The following BMI1 variants were observed in gnomAD, a reference collection of about 807,000 sequenced individuals.
BMI1 encodes polycomb complex protein BMI-1.
BMI1 carries 9 observed loss-of-function variants against 39.1 expected under a neutral mutation model. The observed-to-expected ratio is 0.23, with a 90% CI of 0.14 to 0.40. BMI1 has a LOEUF of 0.40. Among genes scored for constraint, BMI1 ranks in the 10% least tolerant of loss-of-function variants. The pLI, the probability that BMI1 is intolerant of heterozygous loss-of-function variation, is 1.00. For missense variants in BMI1, 252 were observed against 390.8 expected, an observed-to-expected ratio of 0.64 and a Z score of 2.99; for synonymous variants, 131 against 127.9, an observed-to-expected ratio of 1.02 and a Z score of -0.16.
intron 1 of BMI1, chr10:22,322,310 G>A (rs1836026962): frequency 6.6e-6 from 1 of 152,322 alleles, no homozygotes; most frequent in African/African-American, 2.4e-5. Flanking sequence ...GACGGGTTGC[G>A]TGGGGGGCGG....
rs1407190151 is a variant in BMI1 at position 22,331,268 on chromosome 10, A to T, written c.*1726A>T. 6.6e-6 allele frequency: 1 copy of T among 152,332 alleles called. No individual in the cohort carries two copies. The highest frequency in any genetic ancestry group is 1.5e-5 in the Non-Finnish European group (1 of 67,978). 9.4% of individuals were successfully genotyped at this position (152,332 alleles called of 1,614,324 possible). ...GATATTCATTTAGAAAATAGCTAAG[A>T]TCTTTAATAAAAATTTGATATGAAA... On this transcript the variant is annotated 3_prime_UTR_variant, in exon 10 of 10. Coordinates refer to ENST00000376663, the MANE Select transcript of BMI1 (RefSeq NM_005180.9).
chr10:22,328,228 C>T, intron 7 of BMI1, 49 bp downstream of exon 7: 1 of 1,551,744 alleles, frequency 6.4e-7, no homozygotes. Flanking sequence ...GTTTGGAATC[C>T]AGATTTTATC....
intron 3 of BMI1, 62 bp downstream of exon 3, chr10:22,327,048 G>T (rs1836171103): frequency 6.4e-7 from 1 of 1,554,144 alleles, no homozygotes; most frequent in African/African-American, 1.4e-5. Context: ...TTTACTGAAG[G>T]CAACCCTCTT....
chr10:22,326,539 C>T lies in BMI1; in HGVS notation c.90C>T (p.Thr30=), dbSNP rs891517112. 1 of 1,612,540 alleles carries T rather than the reference C, an allele frequency of 6.2e-7. No individual in the cohort carries two copies. The highest frequency in any genetic ancestry group is 1.7e-5 in the Admixed American group (1 of 59,740). Residue 30 remains threonine, a synonymous_variant, in exon 2 of 10, where the codon ACC becomes ACT. Transcript: ENST00000376663. The part of the protein sequence containing the change: ...LCGGYFIDAT[T]IIECLHSFCK... Reference sequence around the variant, plus strand: ...GAGGGTACTTCATTGATGCCACAACCATAATAGAATGTCTACATTCCTGTA... The same window carrying T: ...GAGGGTACTTCATTGATGCCACAACTATAATAGAATGTCTACATTCCTGTA...
In BMI1 at chr10:22,328,703, C is replaced by G; in HGVS notation, c.570+5C>G. The G allele has an allele frequency of 6.4e-7, 1 of 1,560,850 alleles. No individual in the cohort carries two copies. On this transcript the variant is annotated splice_donor_5th_base_variant and intron_variant, in intron 8 of 9. Coordinates refer to ENST00000376663, the MANE Select transcript of BMI1 (RefSeq NM_005180.9). ...GACATACCTAATACTTTCCAGGTAT[C>G]TACTTTTATATTCTTCTTGCATTTT...
chr10:22,328,754 A>G (rs1364017922), intron 8 of BMI1, 56 bp downstream of exon 8: 12 of 1,502,540 alleles, frequency 8.0e-6, no homozygotes, highest in Admixed American at 2.4e-5. Flanking sequence ...TTTTAATTAC[A>G]TTTTTCACTT....
rs1271877724 is a variant in BMI1, at chr10:22,330,683, G to A, written c.*1141G>A. On this transcript the variant is annotated 3_prime_UTR_variant, in exon 10 of 10. Coordinates refer to ENST00000376663, the MANE Select transcript of BMI1 (RefSeq NM_005180.9). ...GCTAAAAGAAGGCATTTTATCTAAAGTTATTTTAATAGGTGGTATAGCAGT... is the reference window on the plus strand; with the variant it reads ...GCTAAAAGAAGGCATTTTATCTAAAATTATTTTAATAGGTGGTATAGCAGT... 6.6e-6 allele frequency: 1 copy of A among 152,288 alleles called. No homozygotes were observed. Among genetic ancestry groups the A allele is most frequent in the Non-Finnish European group, 1.5e-5 (1 of 67,998 alleles). The allele number at this position is 152,288 out of a possible 1,614,324, so 9.4% of individuals were successfully genotyped here. A position where few individuals can be genotyped will look rare whatever the true frequency, so the allele number is the denominator to read the frequency against.
At position 22,328,048 on chromosome 10, in the gene BMI1, G is replaced by T; in HGVS notation, c.415G>T (p.Asp139Tyr). The T allele has an allele frequency of 1.2e-6, 2 of 1,603,098 alleles. No individual in the cohort carries two copies. The highest frequency in any genetic ancestry group is 2.3e-5 in the South Asian group (2 of 87,896). Residue 139 changes from aspartate to tyrosine, a missense_variant, in exon 6 of 10, where the codon GAC (aspartate) becomes TAC (tyrosine). Asp to Tyr is a radical substitution (Grantham distance 160). This residue lies in a region of BMI1 where 67 missense variants were observed against 69.9 expected (regional missense o/e 0.96). Coordinates refer to ENST00000376663, the MANE Select transcript of BMI1 (RefSeq NM_005180.9). The stretch of plus-strand genomic sequence containing the variant: ...AATAAGCTTATCCATTGAATTCTTT[G>T]ACCAGAACAGGTAAAATCTTTAGGC... ...EIISLSIEFF[D>Y]QNRLDRKVNK... is the part of the protein sequence containing the mutation.
At chr10:22,327,450 A>T in intron 3 of BMI1, 145 bp from the exon 4 acceptor site, 1 of 830,172 alleles carries the variant, frequency 1.2e-6, no homozygotes, top group Non-Finnish European at 1.8e-6. Flanking sequence ...TTTTATTCTC[A>T]TAGTTTTTAT....
chr10:22,324,742 A>G (rs1836090527), intron 1 of BMI1, among the ~76,000 whole-genome samples: 1 of 152,204 alleles, frequency 6.6e-6, no homozygotes, highest in Non-Finnish European at 1.5e-5. Context: ...TTGAGAATGT[A>G]CTTCAGTGAG....
At position 22,329,856 on chromosome 10, in the gene BMI1, C is replaced by T. The variant is rs532629683; in HGVS notation, c.*314C>T. 62 of 274,246 alleles carry T rather than the reference C, an allele frequency of 2.3e-4. No homozygotes were observed. The Middle Eastern group carries it at 3.5e-3, about 15-fold the overall frequency. The allele number at this position is 274,246 out of a possible 1,614,324, so 17.0% of individuals were successfully genotyped here. On this transcript the variant is annotated 3_prime_UTR_variant, in exon 10 of 10. Coordinates refer to ENST00000376663, the MANE Select transcript of BMI1 (RefSeq NM_005180.9). ...GGAAGTACTCTGCAGTGGACATAAG[C>T]ATTGGGCCATAGTTTGTTAATCTCA...
rs1284027372 is a variant in BMI1 at position 22,330,558 on chromosome 10, CT to C, written c.*1018del. The C allele has an allele frequency of 6.6e-6, 1 of 152,152 alleles. No individual in the cohort carries two copies. Among genetic ancestry groups the C allele is most frequent in the Non-Finnish European group, 1.5e-5 (1 of 68,002 alleles). The allele number at this position is 152,152 out of a possible 1,614,324, so 9.4% of individuals were successfully genotyped here. The stretch of plus-strand genomic sequence containing the variant: ...TTTAACTGAGAAATATGGAAACCGT[CT>C]TAATTTTCCATTGGCTATGATGGAA... On this transcript the variant is annotated 3_prime_UTR_variant, in exon 10 of 10. Coordinates refer to ENST00000376663, the MANE Select transcript of BMI1 (RefSeq NM_005180.9).
intron 1 of BMI1, among the ~76,000 whole-genome samples, chr10:22,322,693 A>G (rs1009846701): frequency 6.6e-6 from 1 of 152,116 alleles, no homozygotes; most frequent in Non-Finnish European, 1.5e-5. Context: ...CTCGACTTCT[A>G]CTAAAGGATG....
intron 7 of BMI1, 41 bp from the exon 8 acceptor site, chr10:22,328,559 T>C: frequency 6.4e-7 from 1 of 1,567,678 alleles, no homozygotes; most frequent in Non-Finnish European, 8.6e-7. Context: ...CTTCATATCT[T>C]AAAGTAACTG....
chr10:22,328,224 A>C (rs771911924), intron 7 of BMI1, 45 bp downstream of exon 7: 28 of 1,560,740 alleles, frequency 1.8e-5, no homozygotes, highest in Non-Finnish European at 2.4e-5. Flanking sequence ...CATTGTTTGG[A>C]ATCCAGATTT....
intron 4 of BMI1, 46 bp downstream of exon 4, chr10:22,327,696 G>A (rs755450201): frequency 8.1e-6 from 13 of 1,612,608 alleles, no homozygotes; most frequent in Non-Finnish European, 6.8e-6. Context: ...TTATTCATTA[G>A]TTCTTTGTGT....
intron 3 of BMI1, 43 bp downstream of exon 3, chr10:22,327,029 G>A: frequency 1.3e-6 from 2 of 1,598,112 alleles, no homozygotes; most frequent in Non-Finnish European, 1.7e-6. Context: ...TATTATTGGA[G>A]TTGTATAATT....
chr10:22,323,301 C>T (rs1254944789), intron 1 of BMI1, among the ~76,000 whole-genome samples: 1 of 152,230 alleles, frequency 6.6e-6, no homozygotes, highest in Non-Finnish European at 1.5e-5. Flanking sequence ...TTCCATACAT[C>T]TACCCCAAAG....
rs373673727 is a variant in BMI1, at chr10:22,328,704, T to G, written c.570+6T>G. 3 of 1,558,360 alleles carry G rather than the reference T, an allele frequency of 1.9e-6. No homozygotes were observed. In the South Asian group the frequency reaches 3.7e-5, roughly 19 times the overall value. On this transcript the variant is annotated splice_donor_region_variant and intron_variant, in intron 8 of 9. Transcript: ENST00000376663. ...ACATACCTAATACTTTCCAGGTATC[T>G]ACTTTTATATTCTTCTTGCATTTTA...
Sources: gnomAD v4.1 joint callset for allele counts (sites outside exome capture counted in the v4.1 genomes callset) on GRCh38, gnomAD v4.1.1 for gene constraint, gnomAD v4.1.1 regional missense constraint, MANE v1.5 for transcripts, NCBI Gene and HGNC (gene_info 2026-07-23, HGNC 2026-07-21) for gene names.